DMD: variants seen among roughly 807,000 people sequenced by gnomAD.
DMD encodes dystrophin, also known as mutant dystrophin.
DMD carries 63 observed loss-of-function variants against 330.1 expected under a neutral mutation model. That is an observed-to-expected ratio of 0.19 (90% CI 0.16 to 0.24). The LOEUF is 0.24. Ranked by LOEUF, DMD falls within the 10% of genes least tolerant of loss-of-function variation. The pLI is 1.00. For synonymous variants in DMD, 1,223 were observed against 959.8 expected (o/e 1.27, Z -5.07); for missense variants, 3,344 against 2,684.1 (o/e 1.25, Z -5.43).
chrX:32,066,534 T>G (rs967297556), intron 44 of DMD, among the ~76,000 whole-genome samples: 1 of 111,500 alleles, frequency 9.0e-6, no homozygotes, highest in East Asian at 2.8e-4. Context: ...ATGTTGATTA[T>G]ATTGTATTAT....
At position 31,437,809 on chromosome X, in the gene DMD, G is replaced by GATAT. The variant is rs34012169; in HGVS notation, c.9084+6668_9084+6671dup. Among the ~76,000 whole-genome samples the GATAT allele has an allele frequency of 4.8e-3, 481 of 100,299 alleles. 2 individuals are homozygous for GATAT. The highest frequency in any genetic ancestry group is 0.017 in the African/African-American group (461 of 27,777). 87.1% of individuals were successfully genotyped at this position (100,299 alleles called of 115,157 possible). ...TTTTGGTACTAAGTCTTTGCATCCT[G>GATAT]ATATATATATATATATATAACATAT... On this transcript the variant is annotated intron_variant, in intron 60 of 78. Transcript: ENST00000357033.
chrX:32,841,496 G>T (rs1603446045), intron 4 of DMD, among the ~76,000 whole-genome samples: 1 of 112,027 alleles, frequency 8.9e-6, no homozygotes, highest in Non-Finnish European at 1.9e-5. Flanking sequence ...ATTTGTGTGT[G>T]TAGAGAGAGA....
chrX:33,177,420 T>G (rs1329565593), intron 1 of DMD, among the ~76,000 whole-genome samples: 1 of 112,117 alleles, frequency 8.9e-6, no homozygotes, highest in East Asian at 2.8e-4. Flanking sequence ...GGTCTCACTC[T>G]GTCACTCAGG....
Position 32,343,193 on chromosome X carries a change from C to T in DMD, c.5680G>A (p.Asp1894Asn), listed in dbSNP as rs1288134740. Residue 1894 changes from aspartate (D) to asparagine (N), a missense_variant, in exon 40 of 79, where the codon GAT (aspartate) becomes AAT (asparagine). Coordinates refer to ENST00000357033, the MANE Select transcript of DMD (RefSeq NM_004006.3). The stretch of plus-strand genomic sequence containing the variant: ...CTGGCTAATTTTTTTTCAATGTCAT[C>T]CAAGCATTTCAGGAGATCATCAGCC... ...RQADDLLKCL[D>N]DIEKKLASLP... 4 of 1,207,837 alleles carry T rather than the reference C, an allele frequency of 3.3e-6. No homozygotes were observed. In the African/African-American group the frequency reaches 7.0e-5, roughly 21 times the overall value.
At chrX:33,202,707 A>G (rs770282159) in intron 1 of DMD, among the ~76,000 whole-genome samples, 2 of 111,940 alleles carry the variant, frequency 1.8e-5, no homozygotes, top group African/African-American at 6.5e-5. Flanking sequence ...GGATTCTTCA[A>G]TGAGAATGTC....
intron 2 of DMD, among the ~76,000 whole-genome samples, chrX:33,017,419 GATTT>G (rs892029050): frequency 9.0e-6 from 1 of 111,190 alleles, no homozygotes; most frequent in African/African-American, 3.3e-5. Context: ...ATATGAGTTA[GATTT>G]ATTAGTGAGG....
intron 62 of DMD, among the ~76,000 whole-genome samples, chrX:31,311,058 G>T (rs1396958871): frequency 1.8e-5 from 2 of 111,696 alleles, no homozygotes; most frequent in Admixed American, 1.9e-4. Flanking sequence ...ATATCATTCT[G>T]CAATAAGAAT....
At chrX:32,731,125 T>C (rs1603295548) in intron 7 of DMD, among the ~76,000 whole-genome samples, 1 of 112,062 alleles carries the variant, frequency 8.9e-6, no homozygotes, top group East Asian at 2.8e-4. Context: ...GGGAGTTCCC[T>C]TTCCTAGTCA....
intron 29 of DMD, among the ~76,000 whole-genome samples, chrX:32,431,286 A>G (rs2148125042): frequency 9.0e-6 from 1 of 111,211 alleles, no homozygotes; most frequent in East Asian, 2.8e-4. Flanking sequence ...GACATATATC[A>G]TTGTGGTTTT....
intron 43 of DMD, among the ~76,000 whole-genome samples, chrX:32,279,865 C>T (rs1317296856): frequency 1.9e-5 from 2 of 106,982 alleles, no homozygotes; most frequent in Non-Finnish European, 3.9e-5. Context: ...AGGGGATGAA[C>T]ATCCCATTTT....
At chrX:32,056,599 C>T (rs914660965) in intron 44 of DMD, among the ~76,000 whole-genome samples, 3 of 109,825 alleles carry the variant, frequency 2.7e-5, no homozygotes, top group African/African-American at 6.6e-5. Flanking sequence ...CTGAGTAGGC[C>T]GAAACTAGTA....
At chrX:32,871,628 A>G (rs1252482614) in intron 2 of DMD, among the ~76,000 whole-genome samples, 1 of 111,595 alleles carries the variant, frequency 9.0e-6, no homozygotes, top group Non-Finnish European at 1.9e-5. Flanking sequence ...AGAGCTGGGA[A>G]GATTGTGTAA....
chrX:31,424,236 A>G (rs1348601621), intron 60 of DMD, among the ~76,000 whole-genome samples: 1 of 111,936 alleles, frequency 8.9e-6, no homozygotes, highest in Non-Finnish European at 1.9e-5. Context: ...AATTATCAAT[A>G]TTCTGTTGCA....
intron 47 of DMD, among the ~76,000 whole-genome samples, chrX:31,917,862 C>T (rs1315893837): frequency 8.9e-6 from 1 of 112,236 alleles, no homozygotes; most frequent in East Asian, 2.8e-4. Context: ...GACACATAAA[C>T]ACTCACATGG....
chrX:32,727,153 C>A (rs1301107171), intron 7 of DMD, among the ~76,000 whole-genome samples: 1 of 111,242 alleles, frequency 9.0e-6, no homozygotes, highest in African/African-American at 3.3e-5. Context: ...AAAAGATCTG[C>A]TTCAGAAACA....
At chrX:31,387,227 T>G (rs1178750675) in intron 60 of DMD, among the ~76,000 whole-genome samples, 1 of 111,558 alleles carries the variant, frequency 9.0e-6, no homozygotes, top group Non-Finnish European at 1.9e-5. Context: ...CTTTCTGTCA[T>G]TTTTTAAAAG....
At chrX:31,434,411 C>CGT (rs1223727890) in intron 60 of DMD, among the ~76,000 whole-genome samples, 879 of 71,343 alleles carry the variant, frequency 0.012, 23 homozygotes, top group African/African-American at 0.052. Flanking sequence ...CTTACTGCAG[C>CGT]GCGCGCGCAC....
At chrX:32,456,472 T>C (rs1350045771) in intron 25 of DMD, among the ~76,000 whole-genome samples, 1 of 111,012 alleles carries the variant, frequency 9.0e-6, no homozygotes, top group Admixed American at 9.6e-5. Flanking sequence ...GAAACTCTGC[T>C]CTGTTATAAT....
chrX:31,426,917 A>T (rs1175425811), intron 60 of DMD, among the ~76,000 whole-genome samples: 4 of 112,250 alleles, frequency 3.6e-5, no homozygotes, highest in Non-Finnish European at 7.5e-5. Context: ...TTTAACTTTA[A>T]ATGGTCTGGA....
Sources: allele counts gnomAD v4.1 joint callset (sites outside exome capture counted in the v4.1 genomes callset), GRCh38; gene constraint gnomAD v4.1.1; transcripts MANE v1.5; gene names NCBI Gene and HGNC (gene_info 2026-07-23, HGNC 2026-07-21).